The following SLC39A11 variants were observed in gnomAD, a reference collection of about 807,000 sequenced individuals.
The protein encoded by SLC39A11 is solute carrier family 39 member 11.
Under a neutral mutation model 36.1 loss-of-function variants are expected in SLC39A11, and 33 were observed. That is an observed-to-expected ratio of 0.91 (90% CI 0.69 to 1.22). The LOEUF (loss-of-function observed/expected upper bound fraction) is 1.22, where lower values mean the gene tolerates loss of function less well. Ranked by LOEUF, SLC39A11 falls within the 50% of genes most tolerant of loss-of-function variation. SLC39A11 has a pLI of 0.00. For synonymous variants in SLC39A11, 166 were observed against 170.3 expected (o/e 0.97, Z 0.20); for missense variants, 432 against 430.3 (o/e 1.00, Z -0.03).
chr17:73,012,918 C>T (rs895142683), intron 4 of SLC39A11, among the ~76,000 whole-genome samples: 1 of 152,038 alleles, frequency 6.6e-6, no homozygotes, highest in Non-Finnish European at 1.5e-5. Context: ...CCTGTCTCAG[C>T]CTCTGGAGTA....
At chr17:72,683,333 A>ATTT (rs112326860) in intron 7 of SLC39A11, among the ~76,000 whole-genome samples, 7 of 134,610 alleles carry the variant, frequency 5.2e-5, no homozygotes, top group Admixed American at 7.7e-5. Flanking sequence ...CTTGAGACTA[A>ATTT]TTTTTTTTTT....
chr17:72,655,430 G>A (rs2070065162), intron 7 of SLC39A11, among the ~76,000 whole-genome samples: 1 of 152,232 alleles, frequency 6.6e-6, no homozygotes, highest in Admixed American at 6.5e-5. Context: ...GGGAGCACCG[G>A]CAAATGCCGA....
rs549646581 is a variant in SLC39A11 at position 73,056,126 on chromosome 17, C to T, written c.148-24412G>A. 1.1e-4 allele frequency among the ~76,000 whole-genome samples: 17 copies of T among 152,144 alleles called. No homozygotes were observed. The South Asian group carries it at 3.5e-3, about 32-fold the overall frequency. On this transcript the variant is annotated intron_variant, in intron 3 of 9. Coordinates refer to ENST00000255559, the MANE Select transcript of SLC39A11 (RefSeq NM_139177.4). ...TGAGGTCCCATCTTCCCCACAGAGC[C>T]CCGAGGGTGGTGAATGCCTCTCAGA...
At chr17:73,047,984 AAAAAAAATATATATATATATATAT>A (rs2059360009) in intron 3 of SLC39A11, among the ~76,000 whole-genome samples, 2 of 46,462 alleles carry the variant, frequency 4.3e-5, no homozygotes, top group African/African-American at 1.3e-4. Context: ...AAAAAAAAAA[AAAAAAAATATATATATATATATAT>A]ATATATATAT....
At chr17:72,812,560 G>A (rs1273620614) in intron 6 of SLC39A11, among the ~76,000 whole-genome samples, 2 of 152,134 alleles carry the variant, frequency 1.3e-5, no homozygotes, top group Non-Finnish European at 2.9e-5. Flanking sequence ...GAATAGCAAC[G>A]GGGCCTCATA....
At chr17:72,822,711 C>A (rs1029871415) in intron 6 of SLC39A11, among the ~76,000 whole-genome samples, 2 of 150,888 alleles carry the variant, frequency 1.3e-5, no homozygotes, top group African/African-American at 2.4e-5. Context: ...CAACCCTAAA[C>A]TTTTTTTCTT....
At chr17:73,068,056 T>C (rs1599124657) in intron 3 of SLC39A11, 12 of 1,555,984 alleles carry the variant, frequency 7.7e-6, no homozygotes, top group South Asian at 1.1e-5. Context: ...GGATGGTTCA[T>C]GTTCGCTCTA....
intron 3 of SLC39A11, among the ~76,000 whole-genome samples, chr17:73,065,888 G>GC (rs1288778038): frequency 1.3e-5 from 2 of 152,228 alleles, no homozygotes; most frequent in Non-Finnish European, 2.9e-5. Context: ...CCAAAGGGAG[G>GC]CTCAGAGGCA....
In SLC39A11 at chr17:72,736,577, C is replaced by G. The variant is rs1160699188; in HGVS notation, c.671+73G>C. 2.3e-6 allele frequency: 3 copies of G among 1,319,066 alleles called. No individual in the cohort carries two copies. The Admixed American group carries it at 5.0e-5, about 22-fold the overall frequency. 81.7% of individuals were successfully genotyped at this position (1,319,066 alleles called of 1,614,324 possible). On this transcript the variant is annotated intron_variant, in intron 7 of 9. Coordinates refer to ENST00000255559, the MANE Select transcript of SLC39A11 (RefSeq NM_139177.4). ...TGAACAATAATGCACAGACAGCCCA[C>G]CCAGGTGACACGCACACCCAGAGCA...
chr17:72,947,632 G>A (rs763164925), intron 5 of SLC39A11, 120 bp downstream of exon 5: 21 of 1,432,554 alleles, frequency 1.5e-5, no homozygotes, highest in Non-Finnish European at 2.0e-5. Context: ...GATTCGGAGG[G>A]ATAGGACAGT....
At chr17:72,732,025 T>TTTTTC (rs1299860733) in intron 7 of SLC39A11, among the ~76,000 whole-genome samples, 7,761 of 93,206 alleles carry the variant, frequency 0.083, 1,467 homozygotes, top group Middle Eastern at 0.19. Context: ...TTTCTTTATT[T>TTTTTC]TTTTCTTTTC....
chr17:72,729,584 C>T (rs944888697), intron 7 of SLC39A11, among the ~76,000 whole-genome samples: 1 of 147,048 alleles, frequency 6.8e-6, no homozygotes, highest in African/African-American at 2.5e-5. Flanking sequence ...AGGCATGAGC[C>T]ACTGCAACCA....
intron 7 of SLC39A11, among the ~76,000 whole-genome samples, chr17:72,677,781 GA>G (rs1364270787): frequency 6.6e-6 from 1 of 152,106 alleles, no homozygotes; most frequent in Non-Finnish European, 1.5e-5. Context: ...AGAATTACTA[GA>G]ACACAGCAGA....
At chr17:73,004,571 A>G (rs1411443096) in intron 4 of SLC39A11, among the ~76,000 whole-genome samples, 1 of 152,240 alleles carries the variant, frequency 6.6e-6, no homozygotes, top group Admixed American at 6.5e-5. Context: ...AAGGTTTACA[A>G]TTCTGGCCCT....
chr17:73,044,810 G>A (rs1000052536), intron 3 of SLC39A11, among the ~76,000 whole-genome samples: 22 of 151,582 alleles, frequency 1.5e-4, no homozygotes, highest in Non-Finnish European at 2.7e-4. Flanking sequence ...CTGGGAGGTG[G>A]AGGTTGCAGT....
intron 6 of SLC39A11, among the ~76,000 whole-genome samples, chr17:72,743,016 G>A (rs1333227426): frequency 1.3e-5 from 2 of 152,188 alleles, no homozygotes; most frequent in Non-Finnish European, 2.9e-5. Context: ...GCAAATAATA[G>A]TGCAGCCCAG....
chr17:73,062,116 A>G (rs2144259114), intron 3 of SLC39A11, among the ~76,000 whole-genome samples: 1 of 152,214 alleles, frequency 6.6e-6, no homozygotes, highest in East Asian at 1.9e-4. Flanking sequence ...ATGGTTTGTA[A>G]CCAGTGAGTG....
chr17:72,771,257 C>T (rs550150181), intron 6 of SLC39A11, among the ~76,000 whole-genome samples: 89 of 151,760 alleles, frequency 5.9e-4, no homozygotes, highest in African/African-American at 2.0e-3. Flanking sequence ...GGCGGCGATG[C>T]CTGTAATCCC....
chr17:72,707,805 C>T (rs1294470387), intron 7 of SLC39A11, among the ~76,000 whole-genome samples: 1 of 152,184 alleles, frequency 6.6e-6, no homozygotes, highest in East Asian at 1.9e-4. Flanking sequence ...CAAGCAAAAG[C>T]CAAAGTTCAG....
Sources: allele counts gnomAD v4.1 joint callset (sites outside exome capture counted in the v4.1 genomes callset), GRCh38; gene constraint gnomAD v4.1.1; transcripts MANE v1.5; gene names NCBI Gene and HGNC (gene_info 2026-07-23, HGNC 2026-07-21).